Variants in MYO7A observed in about 807,000 individuals in gnomAD.
MYO7A encodes unconventional myosin-VIIa.
MYO7A carries 210 observed loss-of-function variants against 263.8 expected under a neutral mutation model. The observed-to-expected ratio is 0.80, with a 90% CI of 0.71 to 0.89. The LOEUF (loss-of-function observed/expected upper bound fraction) is 0.89. MYO7A is among the 40% of genes least tolerant of loss of function. MYO7A has a pLI of 0.00. For synonymous variants in MYO7A, 1,239 were observed against 1,197.3 expected, an observed-to-expected ratio of 1.03 and a Z score of -0.72; for missense variants, 2,820 against 2,968.3, an observed-to-expected ratio of 0.95 and a Z score of 1.16.
chr11:77,179,568 A>G (rs1954987320), intron 20 of MYO7A, among the ~76,000 whole-genome samples, 167 bp from the exon 21 acceptor site: 1 of 152,206 alleles, frequency 6.6e-6, no homozygotes, highest in South Asian at 2.1e-4. Context: ...CCTGAGAGGA[A>G]ACAGAACTTT....
At chr11:77,157,468 C>A (rs1481400208) in intron 8 of MYO7A, 76 bp downstream of exon 8, 5 of 995,752 alleles carry the variant, frequency 5.0e-6, no homozygotes, top group Non-Finnish European at 7.5e-6. Flanking sequence ...GCAGACTCAG[C>A]CTTGAGGTCT....
At chr11:77,182,398 C>T (rs1555085344) in intron 24 of MYO7A, 26 bp from the exon 25 acceptor site, 1 of 1,599,082 alleles carries the variant, frequency 6.3e-7, no homozygotes, top group Non-Finnish European at 8.5e-7. Flanking sequence ...TCCGCTCTGG[C>T]CTCTGACATG....
At chr11:77,205,238 C>T (rs546175716) in intron 39 of MYO7A, among the ~76,000 whole-genome samples, 4 of 152,116 alleles carry the variant, frequency 2.6e-5, no homozygotes, top group East Asian at 1.9e-4. Flanking sequence ...TGTGGCCTGG[C>T]GCGGTGGGCC....
chr11:77,208,649 C>G (rs1591495760), intron 43 of MYO7A, 48 bp from the exon 44 acceptor site: 1 of 1,515,918 alleles, frequency 6.6e-7, no homozygotes, highest in East Asian at 2.4e-5. Flanking sequence ...GACGTGAGCA[C>G]TCCTCTGTGC....
chr11:77,156,588 C>T, intron 5 of MYO7A, 72 bp from the exon 6 acceptor site: 3 of 1,597,290 alleles, frequency 1.9e-6, no homozygotes, highest in Non-Finnish European at 1.7e-6. Flanking sequence ...GATGGTGCAG[C>T]CTGGGCTGAG....
chr11:77,165,318 C>T (rs1953429186), intron 14 of MYO7A, among the ~76,000 whole-genome samples: 1 of 152,202 alleles, frequency 6.6e-6, no homozygotes, highest in South Asian at 2.1e-4. Context: ...CGTCTCTTGC[C>T]CCACTCTACA....
At position 77,194,339 on chromosome 11, in the gene MYO7A, C is replaced by T. The variant is rs1956477696; in HGVS notation, c.4153-15C>T. On this transcript the variant is annotated splice_polypyrimidine_tract_variant and intron_variant, in intron 31 of 48. Transcript: ENST00000409709. ...GGCCTGGGCCAATGCATGACCGAGGCCTCCCCCCACCTAGGAGGACGACCT... is the reference window on the plus strand; with the variant it reads ...GGCCTGGGCCAATGCATGACCGAGGTCTCCCCCCACCTAGGAGGACGACCT... The T allele has an allele frequency of 1.9e-6, 3 of 1,607,964 alleles. No individual in the cohort carries two copies. The highest frequency in any genetic ancestry group is 2.5e-6 in the Non-Finnish European group (3 of 1,177,394).
chr11:77,205,370 G>A, intron 39 of MYO7A, 92 bp from the exon 40 acceptor site: 1 of 1,429,906 alleles, frequency 7.0e-7, no homozygotes, highest in Non-Finnish European at 9.4e-7. Context: ...ATGAGCAGCT[G>A]AGGGGTACAT....
chr11:77,141,584 C>G (rs1951213463), intron 2 of MYO7A, among the ~76,000 whole-genome samples: 1 of 152,206 alleles, frequency 6.6e-6, no homozygotes, highest in Admixed American at 6.5e-5. Context: ...CCAAGGCCAG[C>G]AAAGGGCCTA....
At chr11:77,137,702 G>C (rs1488179535) in intron 2 of MYO7A, among the ~76,000 whole-genome samples, 1 of 152,152 alleles carries the variant, frequency 6.6e-6, no homozygotes, top group African/African-American at 2.4e-5. Context: ...AGGTGGTTCA[G>C]CTGTCCTGGG....
rs373169422 is a variant in MYO7A, at chr11:77,192,105, G to C, written c.3979G>C (p.Glu1327Gln). 1.9e-6 allele frequency: 3 copies of C among 1,613,906 alleles called. No homozygotes were observed. Among genetic ancestry groups the C allele is most frequent in the Admixed American group, 3.3e-5 (2 of 60,030 alleles). The change falls in exon 31 of 49, where the codon GAG becomes CAG. Residue 1327 changes from glutamate to glutamine, a missense_variant. By Grantham distance (29) the Glu-to-Gln change is conservative. Transcript: ENST00000409709. ...CGTCATGGACGCCATCTCCCAGTGC[G>C]AGCAGTACGCCAAGGAGCAGGGCGC... Reference protein sequence around the residue: ...DHVMDAISQCEQYAKEQGAQE... With the variant: ...DHVMDAISQCQQYAKEQGAQE...
At position 77,208,639 on chromosome 11, in the gene MYO7A, G is replaced by A. The variant is rs1957629110; in HGVS notation, c.5945-58G>A. On this transcript the variant is annotated intron_variant, in intron 43 of 48. Coordinates refer to ENST00000409709, the MANE Select transcript of MYO7A (RefSeq NM_000260.4). ...GGGCCTCCTCTGGGTCTGGGCTCGGGACGTGAGCACTCCTCTGTGCAGGGA... is the reference window on the plus strand; with the variant it reads ...GGGCCTCCTCTGGGTCTGGGCTCGGAACGTGAGCACTCCTCTGTGCAGGGA... 6.0e-6 allele frequency: 9 copies of A among 1,507,042 alleles called. No individual in the cohort carries two copies. The South Asian group carries it at 8.4e-5, about 14-fold the overall frequency. 93.4% of individuals were successfully genotyped at this position (1,507,042 alleles called of 1,614,324 possible). A position where few individuals can be genotyped will look rare whatever the true frequency, so the allele number is the denominator to read the frequency against.
intron 19 of MYO7A, among the ~76,000 whole-genome samples, chr11:77,178,096 A>G (rs567929300): frequency 6.6e-6 from 1 of 151,528 alleles, no homozygotes; most frequent in African/African-American, 2.4e-5. Context: ...CAAAAATTCC[A>G]CAATGCACCC....
intron 33 of MYO7A, among the ~76,000 whole-genome samples, chr11:77,197,965 G>C (rs1255015508): frequency 6.6e-6 from 1 of 152,248 alleles, no homozygotes; most frequent in Non-Finnish European, 1.5e-5. Flanking sequence ...GAAAAACTGA[G>C]TGAGGATTGA....
chr11:77,195,796 T>C (rs926674246), intron 32 of MYO7A, among the ~76,000 whole-genome samples: 10 of 152,232 alleles, frequency 6.6e-5, no homozygotes, highest in Admixed American at 2.6e-4. Flanking sequence ...ATTTTCTAGG[T>C]CTGCCATAAC....
At chr11:77,169,656 T>C (rs73495739) in intron 15 of MYO7A, among the ~76,000 whole-genome samples, 9,546 of 152,248 alleles carry the variant, frequency 0.063, 985 homozygotes, top group African/African-American at 0.22. Flanking sequence ...GATGGCTACC[T>C]ACAAACCTTT....
chr11:77,130,282 C>T (rs1950730985), intron 1 of MYO7A, among the ~76,000 whole-genome samples: 1 of 152,266 alleles, frequency 6.6e-6, no homozygotes, highest in Non-Finnish European at 1.5e-5. Context: ...GTCTTGGTCC[C>T]TCTCTGGGCC....
At chr11:77,211,076 G>A (rs1001869928) in intron 44 of MYO7A, 76 bp from the exon 45 acceptor site, 8 of 1,365,214 alleles carry the variant, frequency 5.9e-6, no homozygotes, top group Non-Finnish European at 8.0e-6. Context: ...CCGGCGTTGG[G>A]GGTCTTGGTG....
Position 77,194,397 on chromosome 11 carries a change from A to C in MYO7A, c.4196A>C (p.Asp1399Ala). The C allele has an allele frequency of 6.2e-7, 1 of 1,612,896 alleles. No homozygotes were observed. Among genetic ancestry groups the C allele is most frequent in the Non-Finnish European group, 8.5e-7 (1 of 1,179,454 alleles). ...CTGGCCTCCCAGCAGTACTTTGTAG[A>C]CTATGGCTCTGAGATGATCCTGGAG... ...AELASQQYFV[D>A]YGSEMILERL... The change falls in exon 32 of 49, where the codon GAC (aspartate) becomes GCC (alanine). Residue 1399 changes from aspartate to alanine, a missense_variant. Coordinates refer to ENST00000409709, the MANE Select transcript of MYO7A (RefSeq NM_000260.4).
Sources: gnomAD v4.1 joint callset for allele counts (sites outside exome capture counted in the v4.1 genomes callset) on GRCh38, gnomAD v4.1.1 for gene constraint, MANE v1.5 for transcripts, NCBI Gene and HGNC (gene_info 2026-07-23, HGNC 2026-07-21) for gene names.